TMC6: variants seen among roughly 807,000 people sequenced by gnomAD.
The protein encoded by TMC6 is transmembrane channel-like protein 6.
Under a neutral mutation model 95.4 loss-of-function variants are expected in TMC6, and 71 were observed. The ratio of observed to expected loss-of-function variants is 0.74; its 90% CI spans 0.61 to 0.91. The LOEUF is 0.91. Among genes scored for constraint, TMC6 ranks in the 40% least tolerant of loss-of-function variants. TMC6 has a pLI of 0.00. For missense variants in TMC6, 1,074 were observed against 1,079.1 expected (o/e 1.00, Z 0.07); for synonymous variants, 514 against 483.1 (o/e 1.06, Z -0.84).
rs965561678 is a variant in TMC6, at chr17:78,109,335, C to T, written c.*3813G>A. 3 of 402,088 alleles carry T rather than the reference C, an allele frequency of 7.5e-6. No individual in the cohort carries two copies. Among genetic ancestry groups the T allele is most frequent in the Admixed American group, 5.7e-5 (2 of 34,820 alleles). 24.9% of individuals were successfully genotyped at this position (402,088 alleles called of 1,614,324 possible). A position where few individuals can be genotyped will look rare whatever the true frequency, so the allele number is the denominator to read the frequency against. On this transcript the variant is annotated 3_prime_UTR_variant, in exon 20 of 20. Coordinates refer to ENST00000590602, the MANE Select transcript of TMC6 (RefSeq NM_001127198.5). ...CCCGAGAAGATCCTCTGCAGGAGTG[C>T]GGTGTCTACGGATGGACCAAGAAAA...
At position 78,113,423 on chromosome 17, in the gene TMC6, G is replaced by A; in HGVS notation, c.2354+125C>T. 6 of 1,308,622 alleles carry A rather than the reference G, an allele frequency of 4.6e-6. 1 individual carries two copies. Among genetic ancestry groups the A allele is most frequent in the Non-Finnish European group, 6.5e-6 (6 of 921,092 alleles). The allele number at this position is 1,308,622 out of a possible 1,614,324, so 81.1% of individuals were successfully genotyped here. On this transcript the variant is annotated intron_variant, in intron 19 of 19. Transcript: ENST00000590602. ...GGTGGGCGCCGGGGGGGAGATTTTTGTAGGTCAAAAGCGGTCAAGTGTCAG... is the reference window on the plus strand; with the variant it reads ...GGTGGGCGCCGGGGGGGAGATTTTTATAGGTCAAAAGCGGTCAAGTGTCAG...
chr17:78,125,316 C>A, intron 5 of TMC6, 53 bp from the exon 6 acceptor site: 1 of 1,507,698 alleles, frequency 6.6e-7, no homozygotes, highest in Non-Finnish European at 9.0e-7. Flanking sequence ...CTCCCTGCAG[C>A]CCGAAGCCGG....
intron 9 of TMC6, chr17:78,123,027 GAAGATGCTGGGCTCACCT>G (rs1437660929): frequency 5.5e-6 from 3 of 548,134 alleles, no homozygotes; most frequent in Non-Finnish European, 9.9e-6. Context: ...ACATGGACCA[GAAGATGCTGGGCTCACCT>G]CAGGGCCTTT....
upstream of TMC6, chr17:78,131,436 G>C (rs2074961432): frequency 9.1e-7 from 1 of 1,100,702 alleles, no homozygotes; most frequent in Admixed American, 2.1e-5. Context: ...CAGGAGCCCA[G>C]GCCCCGACGC....
chr17:78,120,171 T>C (rs928678723), intron 13 of TMC6: 7 of 287,856 alleles, frequency 2.4e-5, no homozygotes, highest in African/African-American at 1.6e-4. Context: ...TTTTTTTTTT[T>C]TTTTTGGCAA....
At chr17:78,132,159 T>A (rs544745468), upstream of TMC6, 104 of 1,419,948 alleles carry the variant, frequency 7.3e-5, no homozygotes, top group East Asian at 2.0e-3. Context: ...CCCTCCCCCC[T>A]CCCACCCCTT....
upstream of TMC6, among the ~76,000 whole-genome samples, chr17:78,130,400 C>T (rs149627521): frequency 3.5e-4 from 54 of 152,358 alleles, no homozygotes; most frequent in African/African-American, 1.2e-3. Flanking sequence ...AGGCTCCCAG[C>T]TCAGGCCTCG....
At chr17:78,119,866 T>C (rs909735752) in intron 13 of TMC6, 3 of 339,784 alleles carry the variant, frequency 8.8e-6, no homozygotes, top group Non-Finnish European at 1.7e-5. Context: ...GAGGCTGGTC[T>C]CAAACTCCTG....
At chr17:78,132,287 C>T (rs1425332530), upstream of TMC6, 4 of 1,575,324 alleles carry the variant, frequency 2.5e-6, no homozygotes, top group South Asian at 1.1e-5. Flanking sequence ...CCGGTGGGCC[C>T]GCCCTTGGAC....
At chr17:78,131,693 C>T (rs760986305), upstream of TMC6, 8 of 1,578,870 alleles carry the variant, frequency 5.1e-6, no homozygotes, top group Admixed American at 5.5e-5. Context: ...CTGGGACGCC[C>T]GTGCGCGGGC....
chr17:78,109,894 C>G lies in TMC6; in HGVS notation c.*3254G>C. 1 of 261,608 alleles carries G rather than the reference C, an allele frequency of 3.8e-6. No individual in the cohort carries two copies. The allele number at this position is 261,608 out of a possible 1,614,324, so 16.2% of individuals were successfully genotyped here. A position where few individuals can be genotyped will look rare whatever the true frequency, so the allele number is the denominator to read the frequency against. ...CCAGCCTGAGCAACATGGAGAAACC[C>G]TGTCTCTACTAAAAATACAAAATTA... On this transcript the variant is annotated 3_prime_UTR_variant, in exon 20 of 20. Transcript: ENST00000590602.
In TMC6 at chr17:78,113,179, G is replaced by A. The variant is rs781023495; in HGVS notation, c.2387C>T (p.Pro796Leu). The change falls in exon 20 of 20, where the codon CCT becomes CTT. Residue 796 changes from proline to leucine, a missense_variant. Transcript: ENST00000590602. ...ATCCTGTTCATCTGTGAGCAGGGCA[G>A]GGGGTGCCGCAGCCTCCTCGGTTGT... ...VGTTEEAAAP[P>L]ALLTDEQDA is the part of the protein sequence containing the mutation. 2.7e-5 allele frequency: 42 copies of A among 1,558,336 alleles called. No homozygotes were observed. The highest frequency in any genetic ancestry group is 3.5e-5 in the Non-Finnish European group (40 of 1,150,176).
At position 78,125,017 on chromosome 17, in the gene TMC6, C is replaced by A. The variant is rs1323416749; in HGVS notation, c.537-32G>T. On this transcript the variant is annotated intron_variant, in intron 6 of 19. Transcript: ENST00000590602. ...ACAGAGGCAGCCATAGGTGCCTGGA[C>A]CAATGAGGGGCCTGACTCTCTCCTT... The A allele has an allele frequency of 7.7e-6, 12 of 1,558,358 alleles. No individual in the cohort carries two copies. The South Asian group carries it at 9.3e-5, about 12-fold the overall frequency.
Position 78,119,212 on chromosome 17 carries a change from A to C in TMC6, c.1811+85T>G, listed in dbSNP as rs992414458. 13 of 1,556,348 alleles carry C rather than the reference A, an allele frequency of 8.4e-6. No homozygotes were observed. In the African/African-American group the frequency reaches 1.6e-4, roughly 19 times the overall value. On this transcript the variant is annotated intron_variant, in intron 14 of 19. Coordinates refer to ENST00000590602, the MANE Select transcript of TMC6 (RefSeq NM_001127198.5). ...CATGGCCGGGCCTGGCTGTGGCCCC[A>C]GGGGGAGGCAGGTACAGGACCCCCG...
chr17:78,127,062 G>A (rs538580896), intron 1 of TMC6, 156 bp from the exon 2 acceptor site: 101 of 617,104 alleles, frequency 1.6e-4, no homozygotes, highest in African/African-American at 1.4e-3. Context: ...GTGAGGCACC[G>A]AATAAGCCTC....
rs996784836 is a variant in TMC6 at position 78,109,421 on chromosome 17, G to C, written c.*3727C>G. ...GCTCTGCATATCAGTGCTTCTCGGC[G>C]GAGCTGTGGCTGATGGGCTCCTGGT... On this transcript the variant is annotated 3_prime_UTR_variant, in exon 20 of 20. Coordinates refer to ENST00000590602, the MANE Select transcript of TMC6 (RefSeq NM_001127198.5). 3 of 456,428 alleles carry C rather than the reference G, an allele frequency of 6.6e-6. No individual in the cohort carries two copies. Among genetic ancestry groups the C allele is most frequent in the Non-Finnish European group, 1.3e-5 (3 of 226,922 alleles). The allele number at this position is 456,428 out of a possible 1,614,324, so 28.3% of individuals were successfully genotyped here.
In TMC6 at chr17:78,117,494, AAAG is replaced by A. The variant is rs1391641839; in HGVS notation, c.2169_2171del (p.Phe724del). The A allele has an allele frequency of 8.1e-6, 13 of 1,609,420 alleles. No individual in the cohort carries two copies. Among genetic ancestry groups the A allele is most frequent in the South Asian group, 2.2e-5 (2 of 90,728 alleles). On this transcript the variant is annotated inframe_deletion, in exon 17 of 20. Coordinates refer to ENST00000590602, the MANE Select transcript of TMC6 (RefSeq NM_001127198.5). ...GCAGCAGGGCTGACACCAGGAAGAC[AAAG>A]AAGGTGTTTTCCATCAGGTACCGGT...
chr17:78,126,447 A>AGCT (rs2074722710), intron 3 of TMC6, 77 bp downstream of exon 3: 2 of 1,608,270 alleles, frequency 1.2e-6, no homozygotes, highest in South Asian at 2.2e-5. Context: ...AGGCCTGCAG[A>AGCT]GCTGGGAGGC....
chr17:78,116,906 T>C (rs1384397626), intron 18 of TMC6, among the ~76,000 whole-genome samples: 1 of 152,096 alleles, frequency 6.6e-6, no homozygotes, highest in Admixed American at 6.5e-5. Context: ...AAGTCCTAAC[T>C]CTCAACCTTA....
Sources: gnomAD v4.1 joint callset for allele counts (sites outside exome capture counted in the v4.1 genomes callset) on GRCh38, gnomAD v4.1.1 for gene constraint, MANE v1.5 for transcripts, NCBI Gene and HGNC (gene_info 2026-07-23, HGNC 2026-07-21) for gene names.